The following AGBL3 variants were observed in gnomAD, a reference collection of about 807,000 sequenced individuals.
AGBL3 encodes AGBL carboxypeptidase 3, also known as cytosolic carboxypeptidase 3.
Under a neutral mutation model 94.5 loss-of-function variants are expected in AGBL3, and 68 were observed. The observed-to-expected ratio is 0.72, with a 90% CI of 0.59 to 0.88. The LOEUF is 0.88. AGBL3 is among the 40% of genes least tolerant of loss of function. The pLI is 0.00. For synonymous variants in AGBL3, 354 were observed against 370.7 expected (o/e 0.95, Z 0.52); for missense variants, 934 against 1,103.8 (o/e 0.85, Z 2.18).
chr7:135,071,386 T>G (rs1014324864), intron 12 of AGBL3, among the ~76,000 whole-genome samples: 10 of 152,262 alleles, frequency 6.6e-5, no homozygotes, highest in Middle Eastern at 3.4e-3. Context: ...ACCAATGACT[T>G]TCTTCACAGA....
At chr7:134,999,151 A>G (rs1811388261) in intron 4 of AGBL3, among the ~76,000 whole-genome samples, 1 of 152,196 alleles carries the variant, frequency 6.6e-6, no homozygotes, top group African/African-American at 2.4e-5. Flanking sequence ...CTTGGTCTGA[A>G]GAAATATAAC....
chr7:135,119,354 C>T (rs773154819), intron 16 of AGBL3, among the ~76,000 whole-genome samples: 7 of 150,468 alleles, frequency 4.7e-5, no homozygotes, highest in East Asian at 2.0e-4. Flanking sequence ...CTCAGCCTTC[C>T]GAGTAGCTGG....
chr7:135,076,570 G>A, intron 13 of AGBL3, 102 bp downstream of exon 13: 1 of 910,766 alleles, frequency 1.1e-6, no homozygotes, highest in Non-Finnish European at 1.7e-6. Flanking sequence ...TTTCCCCCAG[G>A]AGAAGTTAAA....
At chr7:135,025,833 G>T (rs1452589974) in intron 5 of AGBL3, among the ~76,000 whole-genome samples, 3 of 151,510 alleles carry the variant, frequency 2.0e-5, no homozygotes. Context: ...CAATAATCAA[G>T]AAAAAGAAGG....
chr7:135,126,211 C>A (rs1185049187), intron 16 of AGBL3, among the ~76,000 whole-genome samples: 1 of 152,182 alleles, frequency 6.6e-6, no homozygotes, highest in African/African-American at 2.4e-5. Flanking sequence ...AATACAGAAT[C>A]AATGTGCAAA....
chr7:135,004,097 G>A (rs1056791117), intron 4 of AGBL3, among the ~76,000 whole-genome samples: 1 of 151,570 alleles, frequency 6.6e-6, no homozygotes, highest in African/African-American at 2.4e-5. Flanking sequence ...ATTCTGCTAA[G>A]GAGTTACCAA....
intron 5 of AGBL3, among the ~76,000 whole-genome samples, chr7:135,017,821 T>G (rs1193548873): frequency 1.3e-5 from 2 of 152,188 alleles, no homozygotes; most frequent in Non-Finnish European, 2.9e-5. Context: ...TAAGCAATTC[T>G]AGAAATCATA....
At chr7:135,040,177 G>A (rs1454135769) in intron 8 of AGBL3, among the ~76,000 whole-genome samples, 2 of 152,146 alleles carry the variant, frequency 1.3e-5, no homozygotes, top group South Asian at 2.1e-4. Context: ...AATCTGAATA[G>A]TCCTGAAAAG....
chr7:135,070,214 G>C (rs1563235552), intron 12 of AGBL3, among the ~76,000 whole-genome samples: 1 of 152,194 alleles, frequency 6.6e-6, no homozygotes, highest in Non-Finnish European at 1.5e-5. Context: ...AACAGGCTCT[G>C]AAATGGAGGC....
chr7:135,109,983 A>G (rs1247522442), intron 15 of AGBL3, among the ~76,000 whole-genome samples: 3 of 152,208 alleles, frequency 2.0e-5, no homozygotes, highest in Non-Finnish European at 4.4e-5. Flanking sequence ...CCCATTGAGG[A>G]GAAGCAGCAT....
rs1475140173 is a variant in AGBL3 at position 135,047,295 on chromosome 7, G to T, written c.1841+1384G>T. ...TTCTTTATCCATTCATTTGTCAAAAGATATTTAGGTTGTTTCTATATAATG... is the reference window on the plus strand; with the variant it reads ...TTCTTTATCCATTCATTTGTCAAAATATATTTAGGTTGTTTCTATATAATG... On this transcript the variant is annotated intron_variant, in intron 11 of 16. Transcript: ENST00000436302. Among the ~76,000 whole-genome samples the T allele has an allele frequency of 2.6e-5, 4 of 152,106 alleles. No homozygotes were observed. In the East Asian group the frequency reaches 7.7e-4, roughly 29 times the overall value.
chr7:135,019,353 A>G (rs1814161171), intron 5 of AGBL3, among the ~76,000 whole-genome samples: 1 of 152,218 alleles, frequency 6.6e-6, no homozygotes, highest in Non-Finnish European at 1.5e-5. Flanking sequence ...ACTTCTATGA[A>G]GTCAATTACC....
intron 8 of AGBL3, among the ~76,000 whole-genome samples, chr7:135,039,997 G>A (rs1165908973): frequency 6.6e-6 from 1 of 151,988 alleles, no homozygotes; most frequent in African/African-American, 2.4e-5. Flanking sequence ...GGCAATGATG[G>A]CACAACTTAC....
intron 7 of AGBL3, among the ~76,000 whole-genome samples, chr7:135,036,410 A>T (rs1300833264): frequency 6.6e-6 from 1 of 152,130 alleles, no homozygotes; most frequent in Non-Finnish European, 1.5e-5. Context: ...AAGTCAATTC[A>T]AACTTTGGTA....
chr7:135,017,564 T>A (rs914717981), intron 5 of AGBL3, among the ~76,000 whole-genome samples: 1 of 152,186 alleles, frequency 6.6e-6, no homozygotes, highest in African/African-American at 2.4e-5. Context: ...GGCGTTATAA[T>A]CTTTAAAAGA....
chr7:135,035,525 T>C (rs1014777357), intron 7 of AGBL3, among the ~76,000 whole-genome samples: 13 of 152,028 alleles, frequency 8.6e-5, no homozygotes, highest in Non-Finnish European at 1.8e-4. Context: ...TTAAAGCATA[T>C]TAGAATAAGA....
intron 4 of AGBL3, among the ~76,000 whole-genome samples, chr7:135,015,388 A>G (rs1015138967): frequency 2.6e-5 from 4 of 152,180 alleles, no homozygotes; most frequent in Non-Finnish European, 4.4e-5. Context: ...TCATCTCTCC[A>G]TATGTCCATT....
rs141052855 is a variant in AGBL3 at position 135,035,247 on chromosome 7, G to GT, written c.1337+322dup. Reference sequence around the variant, plus strand: ...TGCTAAAGATAATGGTAGCACTGATGTTTAAAATAATTTTTTTATAAATAT... The same window carrying GT: ...TGCTAAAGATAATGGTAGCACTGATGTTTTAAAATAATTTTTTTATAAATAT... On this transcript the variant is annotated intron_variant, in intron 7 of 16. Transcript: ENST00000436302. 6.1e-3 allele frequency among the ~76,000 whole-genome samples: 922 copies of GT among 151,844 alleles called. 8 individuals carry two copies. The highest frequency in any genetic ancestry group is 0.021 in the African/African-American group (874 of 41,486).
At chr7:135,117,782 G>T (rs1189639756) in intron 16 of AGBL3, among the ~76,000 whole-genome samples, 2 of 152,140 alleles carry the variant, frequency 1.3e-5, no homozygotes, top group African/African-American at 4.8e-5. Context: ...GTCTACCTCA[G>T]GCACAATTTG....
Sources: allele counts gnomAD v4.1 joint callset (sites outside exome capture counted in the v4.1 genomes callset), GRCh38; gene constraint gnomAD v4.1.1; transcripts MANE v1.5; gene names NCBI Gene and HGNC (gene_info 2026-07-23, HGNC 2026-07-21).